ZFHX4: variants seen among roughly 807,000 people sequenced by gnomAD.
ZFHX4 encodes the protein zinc finger homeobox protein 4.
ZFHX4 carries 56 observed loss-of-function variants against 267.6 expected under a neutral mutation model. That is an observed-to-expected ratio of 0.21 (90% CI 0.17 to 0.26). ZFHX4 has a LOEUF of 0.26. Among genes scored for constraint, ZFHX4 ranks in the 10% least tolerant of loss-of-function variants. The pLI is 1.00. For missense variants in ZFHX4, 4,332 were observed against 4,420.0 expected, an observed-to-expected ratio of 0.98 and a Z score of 0.56; for synonymous variants, 1,778 against 1,665.6, an observed-to-expected ratio of 1.07 and a Z score of -1.64.
intron 3 of ZFHX4, among the ~76,000 whole-genome samples, chr8:76,773,814 A>G (rs1409985853): frequency 6.6e-6 from 1 of 152,168 alleles, no homozygotes; most frequent in Non-Finnish European, 1.5e-5. Context: ...TAGAAATGGC[A>G]TTGAGAACTT....
At chr8:76,754,885 AC>A (rs1809722672) in intron 3 of ZFHX4, among the ~76,000 whole-genome samples, 1 of 152,036 alleles carries the variant, frequency 6.6e-6, no homozygotes, top group Non-Finnish European at 1.5e-5. Flanking sequence ...TTCACTCTCT[AC>A]TTCAATGAGA....
intron 3 of ZFHX4, among the ~76,000 whole-genome samples, chr8:76,716,438 A>G (rs978843941): frequency 1.1e-4 from 17 of 152,288 alleles, no homozygotes; most frequent in African/African-American, 4.1e-4. Context: ...ATACTCTGAC[A>G]TATGAGGAAA....
intron 5 of ZFHX4, among the ~76,000 whole-genome samples, chr8:76,842,311 A>G (rs1378144269): frequency 2.6e-5 from 4 of 152,088 alleles, no homozygotes; most frequent in Non-Finnish European, 1.5e-5. Flanking sequence ...ATGGAACAGT[A>G]GGTTTATGTT....
chr8:76,856,348 G>T (rs768598982), intron 10 of ZFHX4, 48 bp downstream of exon 10: 1 of 1,599,542 alleles, frequency 6.3e-7, no homozygotes, highest in Non-Finnish European at 8.5e-7. Context: ...GTAGCATCAG[G>T]TAGACAGTCA....
intron 3 of ZFHX4, among the ~76,000 whole-genome samples, chr8:76,731,436 C>G (rs1809008240): frequency 1.3e-5 from 2 of 152,206 alleles, no homozygotes; most frequent in South Asian, 2.1e-4. Context: ...TTGGTTGTTT[C>G]CTCTTCAGGT....
intron 3 of ZFHX4, among the ~76,000 whole-genome samples, chr8:76,732,794 G>A (rs950878948): frequency 6.6e-6 from 1 of 152,164 alleles, no homozygotes; most frequent in Non-Finnish European, 1.5e-5. Flanking sequence ...TGTTTCTGAA[G>A]CTGCATTTCT....
In ZFHX4 at chr8:76,864,052, A is replaced by G. The variant is rs746506595; in HGVS notation, c.10338A>G (p.Lys3446=). 8 of 1,613,776 alleles carry G rather than the reference A, an allele frequency of 5.0e-6. No homozygotes were observed. The East Asian group carries it at 1.8e-4, about 36-fold the overall frequency. The stretch of plus-strand genomic sequence containing the variant: ...CAGTGCTTCGTGTCCCAGTCAGCAA[A>G]TATCAGTGTCTTGCCTGTGATGTGG... ...QETVLRVPVS[K]YQCLACDVAI... is the part of the protein sequence containing the mutation. Residue 3446 remains lysine, a synonymous_variant, in exon 11 of 11, where the codon AAA becomes AAG. Coordinates refer to ENST00000651372, the MANE Select transcript of ZFHX4 (RefSeq NM_024721.5).
In ZFHX4 at chr8:76,816,754, C is replaced by T. The variant is rs140244569; in HGVS notation, c.3326-16584C>T. 7.4e-4 allele frequency among the ~76,000 whole-genome samples: 112 copies of T among 152,056 alleles called. 1 individual carries two copies. In the East Asian group the frequency reaches 0.021, roughly 28 times the overall value. On this transcript the variant is annotated intron_variant, in intron 4 of 10. Transcript: ENST00000651372. The stretch of plus-strand genomic sequence containing the variant: ...GGGATTACAGGCGCCTGCAACCATG[C>T]CCGGCTAATTTTTGTATTTTTAGTA...
intron 3 of ZFHX4, among the ~76,000 whole-genome samples, chr8:76,758,963 G>A (rs1809837573): frequency 6.6e-6 from 1 of 152,016 alleles, no homozygotes; most frequent in South Asian, 2.1e-4. Context: ...AAAATAAATA[G>A]AAAAATCAGT....
chr8:76,743,496 T>G (rs1809375569), intron 3 of ZFHX4, among the ~76,000 whole-genome samples: 1 of 152,188 alleles, frequency 6.6e-6, no homozygotes, highest in Non-Finnish European at 1.5e-5. Context: ...GATGGTCAAC[T>G]GAATTAACTC....
chr8:76,762,841 T>C (rs577503664), intron 3 of ZFHX4, among the ~76,000 whole-genome samples: 2 of 152,280 alleles, frequency 1.3e-5, no homozygotes, highest in Non-Finnish European at 2.9e-5. Flanking sequence ...AGTTCTCCAA[T>C]AGAATTAAAG....
chr8:76,682,346 G>A (rs1807557376), intron 1 of ZFHX4, among the ~76,000 whole-genome samples: 2 of 152,210 alleles, frequency 1.3e-5, no homozygotes, highest in South Asian at 4.1e-4. Flanking sequence ...GGGGCTGGCG[G>A]AGGCCCGGGG....
chr8:76,769,255 C>T (rs559858490), intron 3 of ZFHX4, among the ~76,000 whole-genome samples: 17 of 152,070 alleles, frequency 1.1e-4, no homozygotes, highest in Admixed American at 5.9e-4. Context: ...TTTTCAGGTT[C>T]GTGACATCAT....
At chr8:76,724,430 T>C (rs1018530783) in intron 3 of ZFHX4, among the ~76,000 whole-genome samples, 4 of 152,106 alleles carry the variant, frequency 2.6e-5, no homozygotes, top group African/African-American at 7.2e-5. Context: ...AAGTAAGTCA[T>C]TGATGGTATT....
intron 4 of ZFHX4, among the ~76,000 whole-genome samples, chr8:76,818,630 G>GAACA (rs1238793865): frequency 1.3e-5 from 2 of 152,084 alleles, no homozygotes; most frequent in African/African-American, 4.8e-5. Flanking sequence ...AATGAATCTA[G>GAACA]AACAGTCACG....
intron 3 of ZFHX4, among the ~76,000 whole-genome samples, chr8:76,751,703 A>C (rs1809617834): frequency 6.6e-6 from 1 of 152,196 alleles, no homozygotes; most frequent in African/African-American, 2.4e-5. Flanking sequence ...CCAGAAATTC[A>C]TGTTTTTATT....
intron 4 of ZFHX4, among the ~76,000 whole-genome samples, chr8:76,812,951 A>G (rs1811414930): frequency 6.6e-6 from 1 of 152,166 alleles, no homozygotes; most frequent in Non-Finnish European, 1.5e-5. Context: ...ATTATTATGA[A>G]TGTTTAAGAT....
At chr8:76,739,341 G>T (rs2131679231) in intron 3 of ZFHX4, among the ~76,000 whole-genome samples, 1 of 152,212 alleles carries the variant, frequency 6.6e-6, no homozygotes, top group Admixed American at 6.5e-5. Context: ...TAGCAAGAAA[G>T]GAGCTATCAA....
At position 76,829,789 on chromosome 8, in the gene ZFHX4, G is replaced by A. The variant is rs1463683668; in HGVS notation, c.3326-3549G>A. ...AGTCAAGATCGCGCCACTGCACTCCGGCCTGGGTTACAGAGCGAGACTCCA... is the reference window on the plus strand; with the variant it reads ...AGTCAAGATCGCGCCACTGCACTCCAGCCTGGGTTACAGAGCGAGACTCCA... On this transcript the variant is annotated intron_variant, in intron 4 of 10. Transcript: ENST00000651372. Among the ~76,000 whole-genome samples, 3 of 151,958 alleles carry A rather than the reference G, an allele frequency of 2.0e-5. No homozygotes were observed. In the South Asian group the frequency reaches 6.2e-4, roughly 32 times the overall value.
Sources: allele counts gnomAD v4.1 joint callset (sites outside exome capture counted in the v4.1 genomes callset), GRCh38; gene constraint gnomAD v4.1.1; transcripts MANE v1.5; gene names NCBI Gene and HGNC (gene_info 2026-07-23, HGNC 2026-07-21).